SLC5A12: variants seen among roughly 807,000 people sequenced by gnomAD.
The protein encoded by SLC5A12 is solute carrier family 5 member 12, also known as sodium-coupled monocarboxylate transporter 2.
A neutral mutation model predicts 72.7 loss-of-function variants in SLC5A12; 46 were observed. The observed-to-expected ratio is 0.63, with a 90% confidence interval of 0.50 to 0.81. SLC5A12 has a LOEUF of 0.81. Ranked by LOEUF, SLC5A12 falls within the 30% of genes least tolerant of loss-of-function variation. The pLI is 0.00. For missense variants in SLC5A12, 683 were observed against 740.7 expected (o/e 0.92, Z 0.90); for synonymous variants, 275 against 264.4 (o/e 1.04, Z -0.39).
At chr11:26,686,431 G>A (rs776576809) in intron 10 of SLC5A12, 46 bp downstream of exon 10, 9 of 1,561,956 alleles carry the variant, frequency 5.8e-6, no homozygotes, top group South Asian at 5.6e-5. Context: ...AGAGAGTGGG[G>A]GGAAGTTCCA....
chr11:26,699,671 C>T (rs1854912398), intron 6 of SLC5A12, among the ~76,000 whole-genome samples: 1 of 152,150 alleles, frequency 6.6e-6, no homozygotes, highest in Admixed American at 6.5e-5. Flanking sequence ...TTGCTGTCTC[C>T]AACCTTCAGG....
At position 26,703,856 on chromosome 11, in the gene SLC5A12, T is replaced by A; in HGVS notation, c.617A>T (p.His206Leu). ...FLTVLIQGST[H>L]AGGFHNVLEQ... The stretch of plus-strand genomic sequence containing the variant: ...TAATACATTGTGGAATCCCCCAGCA[T>A]GAGTTGATCCTTGAATGAGAACCGT... Residue 206 changes from histidine (H) to leucine (L), a missense_variant, in exon 5 of 15, where the codon CAT (histidine) becomes CTT (leucine). Transcript: ENST00000396005. 1 of 1,613,972 alleles carries A rather than the reference T, an allele frequency of 6.2e-7. No individual in the cohort carries two copies. Among genetic ancestry groups the A allele is most frequent in the South Asian group, 1.1e-5 (1 of 91,086 alleles).
chr11:26,703,717 C>A (rs765036712), intron 5 of SLC5A12, 46 bp from the exon 6 acceptor site: 56 of 1,612,814 alleles, frequency 3.5e-5, no homozygotes, highest in East Asian at 3.1e-4. Context: ...TCCTTTGATG[C>A]CTAAGATATT....
chr11:26,700,803 T>G (rs545148932), intron 6 of SLC5A12, among the ~76,000 whole-genome samples: 1 of 152,324 alleles, frequency 6.6e-6, no homozygotes, highest in East Asian at 1.9e-4. Context: ...TGGCTTTAGA[T>G]TAAGTTGTCT....
chr11:26,718,681 G>T (rs1327034645), intron 1 of SLC5A12, among the ~76,000 whole-genome samples: 1 of 151,344 alleles, frequency 6.6e-6, no homozygotes, highest in East Asian at 2.0e-4. Context: ...TAGAGATGGA[G>T]TTTCTCCATG....
intron 1 of SLC5A12, among the ~76,000 whole-genome samples, chr11:26,718,593 C>T (rs1855405307): frequency 6.6e-6 from 1 of 151,752 alleles, no homozygotes; most frequent in South Asian, 2.1e-4. Context: ...GCTGGGATTA[C>T]ATGTGCGCCA....
chr11:26,691,735 C>A (rs549224358), intron 9 of SLC5A12: 1 of 152,202 alleles, frequency 6.6e-6, no homozygotes, highest in Non-Finnish European at 1.5e-5. Flanking sequence ...TAAGTAAATA[C>A]ATAATTTGTT....
At chr11:26,698,293 T>C in intron 7 of SLC5A12, 113 bp downstream of exon 7, 1 of 1,368,140 alleles carries the variant, frequency 7.3e-7, no homozygotes, top group East Asian at 2.4e-5. Context: ...TTCTTGGGGT[T>C]TGAGAAATAG....
chr11:26,698,328 A>G (rs1184450719), intron 7 of SLC5A12, 78 bp downstream of exon 7: 26 of 1,541,840 alleles, frequency 1.7e-5, no homozygotes, highest in East Asian at 2.3e-5. Flanking sequence ...AGAAAAAGAG[A>G]AAGGCCAAGA....
rs560450034 is a variant in SLC5A12 at position 26,671,938 on chromosome 11, C to A, written c.1708-687G>T. The stretch of plus-strand genomic sequence containing the variant: ...TAAATTGCTCATCTGGGTAAACAGC[C>A]CTTTTCTCAAAAGTATAGATTGTTC... On this transcript the variant is annotated intron_variant, in intron 14 of 14. Coordinates refer to ENST00000396005, the MANE Select transcript of SLC5A12 (RefSeq NM_178498.4). 2.6e-5 allele frequency among the ~76,000 whole-genome samples: 4 copies of A among 152,182 alleles called. No individual in the cohort carries two copies. In the South Asian group the frequency reaches 8.3e-4, roughly 32 times the overall value.
intron 4 of SLC5A12, among the ~76,000 whole-genome samples, chr11:26,705,497 GA>G (rs1486893816): frequency 6.6e-6 from 1 of 152,122 alleles, no homozygotes; most frequent in African/African-American, 2.4e-5. Context: ...TTCATCTTGA[GA>G]TGAAAGAAGA....
At chr11:26,687,694 C>A (rs559268916) in intron 9 of SLC5A12, among the ~76,000 whole-genome samples, 1 of 151,844 alleles carries the variant, frequency 6.6e-6, no homozygotes, top group Non-Finnish European at 1.5e-5. Flanking sequence ...TATGAGGAAC[C>A]CACTCTTAAA....
Position 26,679,690 on chromosome 11 carries a change from C to G in SLC5A12, c.1476-875G>C, listed in dbSNP as rs576175830. On this transcript the variant is annotated intron_variant, in intron 12 of 14. Coordinates refer to ENST00000396005, the MANE Select transcript of SLC5A12 (RefSeq NM_178498.4). ...AAAGAGTGGGATAAGCATAGGTAGACGAGAAGAAACAGAATTCAGAGTAGA... is the reference window on the plus strand; with the variant it reads ...AAAGAGTGGGATAAGCATAGGTAGAGGAGAAGAAACAGAATTCAGAGTAGA... 2.0e-5 allele frequency among the ~76,000 whole-genome samples: 3 copies of G among 151,958 alleles called. No homozygotes were observed. In the East Asian group the frequency reaches 5.8e-4, roughly 29 times the overall value.
In SLC5A12 at chr11:26,667,731, AAG is replaced by A. The variant is rs1310656310; in HGVS notation, c.*3369_*3370del. ...TTTTCAGAATTTAGGACCTTTAGAAAAGTTACTCTCTGGAAAATAATATTTTA... is the reference window on the plus strand; with the variant it reads ...TTTTCAGAATTTAGGACCTTTAGAAATTACTCTCTGGAAAATAATATTTTA... On this transcript the variant is annotated 3_prime_UTR_variant, in exon 15 of 15. Transcript: ENST00000396005. 6.6e-6 allele frequency: 1 copy of A among 151,974 alleles called. No individual in the cohort carries two copies. The highest frequency in any genetic ancestry group is 1.5e-5 in the Non-Finnish European group (1 of 67,946). The allele number at this position is 151,974 out of a possible 1,614,324, so 9.4% of individuals were successfully genotyped here.
chr11:26,682,850 G>A (rs1308295854), intron 11 of SLC5A12, among the ~76,000 whole-genome samples: 1 of 152,058 alleles, frequency 6.6e-6, no homozygotes, highest in Non-Finnish European at 1.5e-5. Flanking sequence ...TCAGACAAGT[G>A]ATTAAGACTG....
At chr11:26,690,646 TA>T (rs747754564) in intron 9 of SLC5A12, among the ~76,000 whole-genome samples, 2,366 of 92,708 alleles carry the variant, frequency 0.026, 55 homozygotes, top group African/African-American at 0.082. Context: ...CCACCTCTAC[TA>T]AAAAAAAAAA....
chr11:26,709,250 G>C, intron 4 of SLC5A12, 62 bp downstream of exon 4: 1 of 1,244,180 alleles, frequency 8.0e-7, no homozygotes, highest in Non-Finnish European at 1.2e-6. Flanking sequence ...TATTGCTGGA[G>C]ATTTGCCCTT....
intron 4 of SLC5A12, 115 bp downstream of exon 4, chr11:26,709,197 C>G (rs1244752051): frequency 1.5e-6 from 1 of 680,128 alleles, no homozygotes; most frequent in East Asian, 2.8e-5. Flanking sequence ...CGACATACTT[C>G]TGCTTAATTT....
intron 12 of SLC5A12, 114 bp downstream of exon 12, chr11:26,680,941 A>C (rs1178086587): frequency 1.0e-6 from 1 of 966,160 alleles, no homozygotes; most frequent in Non-Finnish European, 1.4e-6. Flanking sequence ...TCCCTGAGTG[A>C]GTCTCATAAG....
Sources: gnomAD v4.1 joint callset for allele counts (sites outside exome capture counted in the v4.1 genomes callset) on GRCh38, gnomAD v4.1.1 for gene constraint, MANE v1.5 for transcripts, NCBI Gene and HGNC (gene_info 2026-07-23, HGNC 2026-07-21) for gene names.